GRM1: variants seen among roughly 807,000 people sequenced by gnomAD.
GRM1 encodes glutamate metabotropic receptor 1.
GRM1 carries 33 observed loss-of-function variants against 90.9 expected under a neutral mutation model. The ratio of observed to expected loss-of-function variants is 0.36; its 90% CI spans 0.28 to 0.49. The LOEUF (loss-of-function observed/expected upper bound fraction) is 0.49, where lower values mean the gene tolerates loss of function less well. GRM1 is among the 20% of genes least tolerant of loss of function. The pLI, the probability that GRM1 is intolerant of heterozygous loss-of-function variation, is 0.99. For synonymous variants in GRM1, 700 were observed against 613.2 expected (o/e 1.14, Z -2.09); for missense variants, 1,190 against 1,534.3 (o/e 0.78, Z 3.75).
intron 6 of GRM1, among the ~76,000 whole-genome samples, chr6:146,389,867 C>T (rs1776654967): frequency 6.6e-6 from 1 of 152,038 alleles, no homozygotes; most frequent in Admixed American, 6.6e-5. Flanking sequence ...TTCTTTTGGT[C>T]TCTTACAGGA....
chr6:146,244,632 C>T (rs1023631601), intron 2 of GRM1, among the ~76,000 whole-genome samples: 4 of 152,144 alleles, frequency 2.6e-5, no homozygotes, highest in East Asian at 1.9e-4. Context: ...GGGTAGCCTA[C>T]GAATCAGACC....
intron 5 of GRM1, among the ~76,000 whole-genome samples, chr6:146,367,340 C>G (rs1033327840): frequency 6.6e-6 from 1 of 152,052 alleles, no homozygotes; most frequent in Non-Finnish European, 1.5e-5. Flanking sequence ...AGTGTGATGT[C>G]TCCAGCTTTG....
At chr6:146,122,839 C>CT (rs57859188) in intron 1 of GRM1, among the ~76,000 whole-genome samples, 2,188 of 62,202 alleles carry the variant, frequency 0.035, 80 homozygotes, top group Middle Eastern at 0.11. Flanking sequence ...TCTTTTCTTT[C>CT]TTTTTTTTTT....
At chr6:146,162,462 C>T (rs1777763319) in intron 2 of GRM1, among the ~76,000 whole-genome samples, 1 of 152,158 alleles carries the variant, frequency 6.6e-6, no homozygotes, top group Admixed American at 6.5e-5. Flanking sequence ...GTCACCACTT[C>T]CTCTGCTATC....
chr6:146,350,940 G>A lies in GRM1; in HGVS notation c.1187-1310G>A, dbSNP rs1476728588. ...TTAACCTAGCCTGGGTATTTTATAT[G>A]TCACTCTCAGGGTAGATATAAGGAT... On this transcript the variant is annotated intron_variant, in intron 3 of 7. Transcript: ENST00000282753. Among the ~76,000 whole-genome samples the A allele has an allele frequency of 3.9e-5, 6 of 152,212 alleles. No individual in the cohort carries two copies. The South Asian group carries it at 1.0e-3, about 26-fold the overall frequency.
At chr6:146,030,743 T>G (rs1790676402) in intron 1 of GRM1, among the ~76,000 whole-genome samples, 1 of 152,252 alleles carries the variant, frequency 6.6e-6, no homozygotes, top group African/African-American at 2.4e-5. Context: ...AATGTAGGAT[T>G]AATGCAGTCA....
Position 146,029,689 on chromosome 6 carries a change from C to T in GRM1, c.172C>T (p.Pro58Ser). 1 of 1,614,142 alleles carries T rather than the reference C, an allele frequency of 6.2e-7. No individual in the cohort carries two copies. Among genetic ancestry groups the T allele is most frequent in the Non-Finnish European group, 8.5e-7 (1 of 1,180,040 alleles). Residue 58 changes from proline (P) to serine (S), a missense_variant, in exon 1 of 8, where the codon CCG (proline) becomes TCG (serine). Around this residue, in one of 10 missense-constraint regions of GRM1, gnomAD observed 25 missense variants for 65.9 expected, o/e 0.38. Coordinates refer to ENST00000282753, the MANE Select transcript of GRM1 (RefSeq NM_001278064.2). ...GALFSVHHQPPAEKVPERKCG... is the reference protein window; with the variant it reads ...GALFSVHHQPSAEKVPERKCG... Reference sequence around the variant, plus strand: ...CCTCTTCTCAGTCCATCACCAGCCTCCGGCCGAGAAAGTGCCCGAGAGGAA... The same window carrying T: ...CCTCTTCTCAGTCCATCACCAGCCTTCGGCCGAGAAAGTGCCCGAGAGGAA...
rs529118616 is a variant in GRM1 at position 146,243,354 on chromosome 6, G to A, written c.951-61257G>A. ...ACTCTGTCCAGCCATTACTTTAGGA[G>A]TGTTTCTGTTTTCTTAATGGAAACC... is the stretch of plus-strand genomic sequence containing the variant. On this transcript the variant is annotated intron_variant, in intron 2 of 7. Transcript: ENST00000282753. Among the ~76,000 whole-genome samples, 47 of 152,212 alleles carry A rather than the reference G, an allele frequency of 3.1e-4. 2 individuals are homozygous for A. In the South Asian group the frequency reaches 9.1e-3, roughly 30 times the overall value.
At chr6:146,376,897 C>A (rs1776120582) in intron 5 of GRM1, among the ~76,000 whole-genome samples, 1 of 152,032 alleles carries the variant, frequency 6.6e-6, no homozygotes, top group African/African-American at 2.4e-5. Flanking sequence ...GAGGGCAGGT[C>A]TTTCTGGTGC....
At chr6:146,222,334 T>C (rs1415666268) in intron 2 of GRM1, among the ~76,000 whole-genome samples, 1 of 152,108 alleles carries the variant, frequency 6.6e-6, no homozygotes, top group Non-Finnish European at 1.5e-5. Flanking sequence ...AAGACATACA[T>C]GGTAAATGTA....
chr6:146,418,336 T>A (rs1047461012), intron 7 of GRM1, among the ~76,000 whole-genome samples: 31 of 151,874 alleles, frequency 2.0e-4, no homozygotes, highest in African/African-American at 7.2e-4. Flanking sequence ...AATTATTAGG[T>A]CATGATAAAT....
At chr6:146,414,377 TTTATTATTA>T (rs56297907) in intron 7 of GRM1, among the ~76,000 whole-genome samples, 1 of 145,344 alleles carries the variant, frequency 6.9e-6, no homozygotes, top group Non-Finnish European at 1.5e-5. Flanking sequence ...CCGTTTGCCT[TTTATTATTA>T]TTATTATTAT....
intron 1 of GRM1, among the ~76,000 whole-genome samples, chr6:146,048,302 C>A (rs918352805): frequency 6.6e-6 from 1 of 151,900 alleles, no homozygotes; most frequent in Non-Finnish European, 1.5e-5. Flanking sequence ...CTAGGAAGGA[C>A]CTATGTAAAA....
At chr6:146,255,228 C>A (rs533646041) in intron 2 of GRM1, among the ~76,000 whole-genome samples, 8 of 151,938 alleles carry the variant, frequency 5.3e-5, no homozygotes, top group African/African-American at 1.7e-4. Flanking sequence ...TATATTTTGG[C>A]CTAAGATGTT....
intron 3 of GRM1, among the ~76,000 whole-genome samples, chr6:146,349,044 C>CTATCAT (rs1554299556): frequency 3.5e-5 from 5 of 141,538 alleles, no homozygotes; most frequent in African/African-American, 1.3e-4. Flanking sequence ...GAAGTGGTAG[C>CTATCAT]TATTATTATT....
At chr6:146,071,986 G>A (rs1776031182) in intron 1 of GRM1, among the ~76,000 whole-genome samples, 1 of 152,148 alleles carries the variant, frequency 6.6e-6, no homozygotes, top group Admixed American at 6.6e-5. Flanking sequence ...CTAAAGACAG[G>A]ATCTTGGCAG....
chr6:146,098,966 T>C (rs1031604759), intron 1 of GRM1, among the ~76,000 whole-genome samples: 3 of 152,032 alleles, frequency 2.0e-5, no homozygotes, highest in Admixed American at 6.5e-5. Context: ...ATTTTTTTCA[T>C]AGCAGTGTGA....
intron 1 of GRM1, among the ~76,000 whole-genome samples, chr6:146,144,952 T>C (rs1388776088): frequency 1.3e-5 from 2 of 152,226 alleles, no homozygotes; most frequent in Non-Finnish European, 2.9e-5. Context: ...GCTATCCTTT[T>C]TATAGATTGG....
intron 3 of GRM1, among the ~76,000 whole-genome samples, chr6:146,344,544 C>G (rs996361477): frequency 3.3e-5 from 5 of 152,146 alleles, no homozygotes; most frequent in Non-Finnish European, 5.9e-5. Context: ...ATTAATCTTC[C>G]TAAATTCTGG....
Sources: allele counts gnomAD v4.1 joint callset (sites outside exome capture counted in the v4.1 genomes callset), GRCh38; gene constraint gnomAD v4.1.1; regional missense constraint gnomAD v4.1.1; transcripts MANE v1.5; gene names NCBI Gene and HGNC (gene_info 2026-07-23, HGNC 2026-07-21).